The following SH3RF2 variants were observed in gnomAD, a reference collection of about 807,000 sequenced individuals.
SH3RF2 encodes the protein SH3 domain containing ring finger 2, also known as E3 ubiquitin-protein ligase SH3RF2.
Under a neutral mutation model 59.0 loss-of-function variants are expected in SH3RF2, and 43 were observed. The observed-to-expected ratio is 0.73, with a 90% CI of 0.57 to 0.94. SH3RF2 has a LOEUF of 0.94. Ranked by LOEUF, SH3RF2 falls within the 40% of genes least tolerant of loss-of-function variation. The pLI is 0.00. For synonymous variants in SH3RF2, 391 were observed against 391.5 expected (o/e 1.00, Z 0.01); for missense variants, 930 against 940.1 (o/e 0.99, Z 0.14).
At chr5:145,965,641 C>G (rs1233459257) in intron 2 of SH3RF2, among the ~76,000 whole-genome samples, 3 of 152,160 alleles carry the variant, frequency 2.0e-5, no homozygotes, top group Non-Finnish European at 4.4e-5. Context: ...GGTGTTTACA[C>G]TCACTACTTG....
intron 2 of SH3RF2, among the ~76,000 whole-genome samples, chr5:145,996,379 G>T (rs1760152306): frequency 6.6e-6 from 1 of 152,122 alleles, no homozygotes; most frequent in Non-Finnish European, 1.5e-5. Context: ...GTTAGAACTT[G>T]CAGTTTACCC....
At chr5:146,003,339 C>T (rs1177527392) in intron 3 of SH3RF2, among the ~76,000 whole-genome samples, 1 of 152,158 alleles carries the variant, frequency 6.6e-6, no homozygotes, top group Non-Finnish European at 1.5e-5. Context: ...TTCATCTGAA[C>T]AGGGATTTCA....
intron 2 of SH3RF2, among the ~76,000 whole-genome samples, chr5:145,962,623 C>G (rs1330678722): frequency 6.6e-6 from 1 of 152,106 alleles, no homozygotes; most frequent in Non-Finnish European, 1.5e-5. Flanking sequence ...ACCTCATCCT[C>G]CCCTTCTATA....
At chr5:146,072,534 G>C (rs534078850) in intron 9 of SH3RF2, among the ~76,000 whole-genome samples, 2 of 152,194 alleles carry the variant, frequency 1.3e-5, no homozygotes, top group Non-Finnish European at 2.9e-5. Context: ...AGCCAGACGT[G>C]GTGGCGGGCA....
chr5:145,945,112 A>G (rs974663229), intron 2 of SH3RF2, among the ~76,000 whole-genome samples: 4 of 152,214 alleles, frequency 2.6e-5, no homozygotes, highest in African/African-American at 4.8e-5. Flanking sequence ...TAAGGTATTC[A>G]TTATAAGATG....
At chr5:145,969,393 T>C (rs946692145) in intron 2 of SH3RF2, among the ~76,000 whole-genome samples, 8 of 151,336 alleles carry the variant, frequency 5.3e-5, no homozygotes, top group African/African-American at 1.7e-4. Flanking sequence ...AGAAGAAAGG[T>C]GAGGAGGAAA....
At chr5:146,057,976 C>A (rs912857475) in intron 8 of SH3RF2, among the ~76,000 whole-genome samples, 218 of 118,140 alleles carry the variant, frequency 1.8e-3, no homozygotes, top group African/African-American at 5.7e-3. Context: ...CTCTATCTAT[C>A]TATCTATCTA....
At chr5:146,064,656 GAGAGAAAGAGAAAGAAAGAAAGAA>G (rs1162516192), downstream of SH3RF2, among the ~76,000 whole-genome samples, 118 of 13,434 alleles carry the variant, frequency 8.8e-3, 11 homozygotes, top group South Asian at 0.033. Flanking sequence ...GAAAGAGAGA[GAGAGAAAGAGAAAGAAAGAAAGAA>G]AGAAAGAAAG....
chr5:146,008,957 A>C (rs1352502884), intron 4 of SH3RF2, among the ~76,000 whole-genome samples: 2 of 152,232 alleles, frequency 1.3e-5, no homozygotes, highest in African/African-American at 4.8e-5. Flanking sequence ...TTCATGTATC[A>C]GTAGTTCATT....
chr5:146,002,319 C>T (rs1322941890), intron 3 of SH3RF2, among the ~76,000 whole-genome samples: 4 of 151,988 alleles, frequency 2.6e-5, no homozygotes, highest in Non-Finnish European at 4.4e-5. Context: ...GGCGTGGTTG[C>T]GCGTGCCTGT....
At chr5:145,997,838 A>T (rs1760229664) in intron 2 of SH3RF2, 2 of 1,329,062 alleles carry the variant, frequency 1.5e-6, no homozygotes, top group Admixed American at 1.7e-5. Context: ...AAGTACCTGC[A>T]AAAACAACTC....
intron 2 of SH3RF2, among the ~76,000 whole-genome samples, chr5:145,939,711 G>A (rs970512282): frequency 3.9e-5 from 6 of 152,152 alleles, no homozygotes; most frequent in African/African-American, 1.2e-4. Flanking sequence ...TGGCGAAGTA[G>A]GGGTGGGGAA....
chr5:146,007,294 G>A (rs940178699), intron 4 of SH3RF2, among the ~76,000 whole-genome samples: 20 of 152,196 alleles, frequency 1.3e-4, no homozygotes, highest in East Asian at 1.9e-4. Context: ...CTGTGGATTC[G>A]ACCCATAGGT....
chr5:145,939,723 C>G (rs759482357), intron 2 of SH3RF2, among the ~76,000 whole-genome samples: 4 of 152,110 alleles, frequency 2.6e-5, no homozygotes, highest in Non-Finnish European at 4.4e-5. Context: ...GGTGGGGAAG[C>G]AAATTGTTCT....
intron 2 of SH3RF2, among the ~76,000 whole-genome samples, chr5:145,947,433 T>C (rs1032754606): frequency 1.3e-5 from 2 of 152,160 alleles, no homozygotes; most frequent in Non-Finnish European, 2.9e-5. Context: ...TCACCTCATA[T>C]GGTTATTGGG....
Position 145,952,364 on chromosome 5 carries a change from A to G in SH3RF2, c.378+14058A>G, listed in dbSNP as rs1421618937. ...TCTAACCATAACAAACCTTGCTAAA[A>G]CAATATCTTAATAGTAGTGCTACTT... On this transcript the variant is annotated intron_variant, in intron 2 of 9. Coordinates refer to ENST00000359120, the MANE Select transcript of SH3RF2 (RefSeq NM_152550.4). Among the ~76,000 whole-genome samples, 14 of 152,156 alleles carry G rather than the reference A, an allele frequency of 9.2e-5. 1 individual carries two copies. Among genetic ancestry groups the G allele is most frequent in the Admixed American group, 9.2e-4 (14 of 15,266 alleles).
intron 7 of SH3RF2, chr5:146,050,127 G>A (rs2150015781): frequency 6.6e-6 from 1 of 152,366 alleles, no homozygotes; most frequent in Non-Finnish European, 1.5e-5. Flanking sequence ...CAGCAAGAAT[G>A]GTGAGGAGAC....
intron 8 of SH3RF2, among the ~76,000 whole-genome samples, chr5:146,057,966 C>CTCTCTCTCTCTCTATCTATCTA (rs796279528): frequency 1.4e-5 from 1 of 72,926 alleles, no homozygotes; most frequent in African/African-American, 3.9e-5. Flanking sequence ...CTCTCTCTCT[C>CTCTCTCTCTCTCTATCTATCTA]TCTATCTATC....
In SH3RF2 at chr5:146,000,137, T is replaced by C. The variant is rs770489639; in HGVS notation, c.458T>C (p.Leu153Pro). 7 of 1,613,894 alleles carry C rather than the reference T, an allele frequency of 4.3e-6. No individual in the cohort carries two copies. In the South Asian group the frequency reaches 7.7e-5, roughly 18 times the overall value. ...DLRFNKGDII[L>P]LRRQLDENWY... Reference sequence around the variant, plus strand: ...AGGTTTAATAAGGGAGATATCATCCTTCTCCGGAGACAGCTTGATGAGAAT... The same window carrying C: ...AGGTTTAATAAGGGAGATATCATCCCTCTCCGGAGACAGCTTGATGAGAAT... The change falls in exon 3 of 10, where the codon CTT (leucine) becomes CCT (proline). Residue 153 changes from leucine to proline, a missense_variant. Transcript: ENST00000359120.
Sources: gnomAD v4.1 joint callset for allele counts (sites outside exome capture counted in the v4.1 genomes callset) on GRCh38, gnomAD v4.1.1 for gene constraint, MANE v1.5 for transcripts, NCBI Gene and HGNC (gene_info 2026-07-23, HGNC 2026-07-21) for gene names.